SLC25A1: variants seen among roughly 807,000 people sequenced by gnomAD.
SLC25A1 encodes tricarboxylate transport protein, mitochondrial.
SLC25A1 carries 26 observed loss-of-function variants against 38.1 expected under a neutral mutation model. The ratio of observed to expected loss-of-function variants is 0.68; its 90% CI spans 0.50 to 0.95. The LOEUF is 0.95. SLC25A1 is among the 40% of genes least tolerant of loss of function. The pLI, the probability that SLC25A1 is intolerant of heterozygous loss-of-function variation, is 0.00. For missense variants in SLC25A1, 378 were observed against 426.6 expected (o/e 0.89, Z 1.00); for synonymous variants, 211 against 183.2 (o/e 1.15, Z -1.23).
In SLC25A1 at chr22:19,178,421, C is replaced by T; in HGVS notation, c.94+159G>A. 1 of 1,377,934 alleles carries T rather than the reference C, an allele frequency of 7.3e-7. No homozygotes were observed. The highest frequency in any genetic ancestry group is 9.3e-7 in the Non-Finnish European group (1 of 1,071,800). The allele number at this position is 1,377,934 out of a possible 1,614,324, so 85.4% of individuals were successfully genotyped here. A position where few individuals can be genotyped will look rare whatever the true frequency, so the allele number is the denominator to read the frequency against. ...CCGGCGAGGCGCAGGGGGTGACAGA[C>T]GGGAGGCGGGCGAGTCCCAGCGCGC... On this transcript the variant is annotated intron_variant, in intron 1 of 8. Transcript: ENST00000215882. The surrounding 1 kb of genome is among the most constrained non-coding windows in gnomAD (Gnocchi z 4.9).
rs144180074 is a variant in SLC25A1 at position 19,176,172 on chromosome 22, A to G, written c.894T>C (p.Asp298=). Residue 298 remains aspartate (D), a synonymous_variant, in exon 9 of 9, where the codon GAT becomes GAC. Coordinates refer to ENST00000215882, the MANE Select transcript of SLC25A1 (RefSeq NM_005984.5). ...LDVAIVFVIY[D]EVVKLLNKVW... ...CTTTGTTGAGCAGCTTCACCACTTC[A>G]TCATAGATGACAAACACTATGGCCA... 6,305 of 1,613,856 alleles carry G rather than the reference A, an allele frequency of 3.9e-3. 23 individuals carry two copies. The highest frequency in any genetic ancestry group is 9.7e-3 in the Middle Eastern group (59 of 6,058).
chr22:19,177,161 C>T lies in SLC25A1; in HGVS notation c.485G>A (p.Arg162Lys), dbSNP rs1555922633. The change falls in exon 5 of 9, where the codon AGA becomes AAA. Residue 162 changes from arginine to lysine, a missense_variant. Transcript: ENST00000215882. The part of the protein sequence containing the change: ...HDQTSPNPKY[R>K]GFFHGVREIV... The stretch of plus-strand genomic sequence containing the variant: ...CTCCCTAACCCCGTGGAAGAATCCT[C>T]TGTACTTGGGGTTTGGGGAGGTCTG... 1 of 1,614,008 alleles carries T rather than the reference C, an allele frequency of 6.2e-7. No individual in the cohort carries two copies.
Position 19,176,851 on chromosome 22 carries a change from T to C in SLC25A1, c.626A>G (p.Tyr209Cys), listed in dbSNP as rs2083968780. ...GCCCTGTGATGCAGACACACCTCGG[T>C]ACCAGTTGCGCAGGGAGGTCATGAC... ...FFVMTSLRNW[Y>C]RGDNPNKPMN... Residue 209 changes from tyrosine to cysteine, a missense_variant, in exon 6 of 9, where the codon TAC (tyrosine) becomes TGC (cysteine). By Grantham distance (194) the Tyr-to-Cys change is radical (BLOSUM62 -2). Transcript: ENST00000215882. The C allele has an allele frequency of 1.2e-6, 2 of 1,613,712 alleles. No homozygotes were observed. Among genetic ancestry groups the C allele is most frequent in the Non-Finnish European group, 1.7e-6 (2 of 1,179,930 alleles).
In SLC25A1 at chr22:19,177,762, C is replaced by T; in HGVS notation, c.406G>A (p.Ala136Thr). Residue 136 changes from alanine to threonine, a missense_variant, in exon 4 of 9, where the codon GCC becomes ACC. Physicochemically the swap from Ala to Thr is moderately conservative, Grantham distance 58 (BLOSUM62 0). Transcript: ENST00000215882. ...LCGLGAGVAE[A>T]VVVVCPMETI... ...TCCATGGGGCACACGACCACCACGG[C>T]CTCGGCCACGCCAGCGCCCAGGCCG... 6.2e-7 allele frequency: 1 copy of T among 1,609,612 alleles called. No homozygotes were observed. Among genetic ancestry groups the T allele is most frequent in the Non-Finnish European group, 8.5e-7 (1 of 1,179,586 alleles).
chr22:19,176,659 G>A lies in SLC25A1; in HGVS notation c.666C>T (p.Ile222=). The A allele has an allele frequency of 6.2e-7, 1 of 1,613,978 alleles. No homozygotes were observed. The highest frequency in any genetic ancestry group is 8.5e-7 in the Non-Finnish European group (1 of 1,179,982). Residue 222 remains isoleucine, a synonymous_variant, in exon 7 of 9, where the codon ATC becomes ATT. Coordinates refer to ENST00000215882, the MANE Select transcript of SLC25A1 (RefSeq NM_005984.5). ...CTGCAATAGCTCCGAAGACCCCAGTGATCAGAGGGTTCATGGGCTTGTTGG... is the reference window on the plus strand; with the variant it reads ...CTGCAATAGCTCCGAAGACCCCAGTAATCAGAGGGTTCATGGGCTTGTTGG... ...DNPNKPMNPL[I]TGVFGAIAGA... is the part of the protein sequence containing the mutation.
rs1173206471 is a variant in SLC25A1 at position 19,177,057 on chromosome 22, G to A, written c.526+63C>T. 4 of 1,582,986 alleles carry A rather than the reference G, an allele frequency of 2.5e-6. No individual in the cohort carries two copies. The African/African-American group carries it at 5.4e-5, about 21-fold the overall frequency. ...CACAAAGCCCAAGGCAGGATGGGAG[G>A]TGCAGGCCCTTCCCACCCTGGCCCA... is the stretch of plus-strand genomic sequence containing the variant. On this transcript the variant is annotated intron_variant, in intron 5 of 8. Transcript: ENST00000215882.
Position 19,175,647 on chromosome 22 carries a change from C to T in SLC25A1, c.*483G>A, listed in dbSNP as rs1056093555. 11 of 214,752 alleles carry T rather than the reference C, an allele frequency of 5.1e-5. No homozygotes were observed. Among genetic ancestry groups the T allele is most frequent in the African/African-American group, 9.3e-5 (4 of 43,086 alleles). The allele number at this position is 214,752 out of a possible 1,614,324, so 13.3% of individuals were successfully genotyped here. On this transcript the variant is annotated 3_prime_UTR_variant, in exon 9 of 9. Coordinates refer to ENST00000215882, the MANE Select transcript of SLC25A1 (RefSeq NM_005984.5). ...TGAGAGTGGTGGGTGCCACCCTGTCCGGGGCGGAGAGAGGGCCCGAGGGCC... is the reference window on the plus strand; with the variant it reads ...TGAGAGTGGTGGGTGCCACCCTGTCTGGGGCGGAGAGAGGGCCCGAGGGCC...
rs1555922366 is a variant in SLC25A1, at chr22:19,176,564, C to A, written c.747+14G>T. 1.2e-6 allele frequency: 2 copies of A among 1,610,812 alleles called. No individual in the cohort carries two copies. Among genetic ancestry groups the A allele is most frequent in the Admixed American group, 3.3e-5 (2 of 60,026 alleles). Reference sequence around the variant, plus strand: ...CCTGGTCCCCCCTTCCCCTCCCCTTCCCGGCCCCACCACCTGCATCCGGGT... The same window carrying A: ...CCTGGTCCCCCCTTCCCCTCCCCTTACCGGCCCCACCACCTGCATCCGGGT... On this transcript the variant is annotated intron_variant, in intron 7 of 8. Coordinates refer to ENST00000215882, the MANE Select transcript of SLC25A1 (RefSeq NM_005984.5).
chr22:19,176,761 TGGGTGCCCGCCACCCAG>T, intron 6 of SLC25A1, 68 bp from the exon 7 acceptor site: 1 of 1,592,166 alleles, frequency 6.3e-7, no homozygotes, highest in East Asian at 2.2e-5. Flanking sequence ...CTTCAAAAGG[TGGGTGCCCGCCACCCAG>T]GGGTGGCCCC....
Position 19,176,428 on chromosome 22 carries a change from G to T in SLC25A1, c.814C>A (p.Leu272Ile), listed in dbSNP as rs201774285. The T allele has an allele frequency of 1.0e-4, 162 of 1,613,592 alleles. No homozygotes were observed. The East Asian group carries it at 3.6e-3, about 36-fold the overall frequency. The part of the protein sequence containing the change: ...CGLQILKKEG[L>I]KAFYKGTVPR... ...TGCCCCTCCCCCACTCACGCCTTGA[G>T]CCCCTCCTTCTTCAGGATCTGCAAG... Residue 272 changes from leucine (L) to isoleucine (I), a missense_variant, in exon 8 of 9, where the codon CTC becomes ATC. Physicochemically the swap from Leu to Ile is conservative, Grantham distance 5. Coordinates refer to ENST00000215882, the MANE Select transcript of SLC25A1 (RefSeq NM_005984.5).
rs782032507 is a variant in SLC25A1, at chr22:19,176,098, C to G, written c.*32G>C. On this transcript the variant is annotated 3_prime_UTR_variant, in exon 9 of 9. Transcript: ENST00000215882. ...AAGGTAGCAGGACACTCTGGCGGTG[C>G]CTGGGGCGGTCCCCTTGCGGCCTCT... 6.4e-7 allele frequency: 1 copy of G among 1,565,500 alleles called. No homozygotes were observed. Among genetic ancestry groups the G allele is most frequent in the Admixed American group, 1.7e-5 (1 of 59,968 alleles).
Position 19,176,427 on chromosome 22 carries a change from A to G in SLC25A1, c.815T>C (p.Leu272Pro), listed in dbSNP as rs1555922284. 1.2e-6 allele frequency: 2 copies of G among 1,613,528 alleles called. No individual in the cohort carries two copies. Among genetic ancestry groups the G allele is most frequent in the Non-Finnish European group, 1.7e-6 (2 of 1,179,922 alleles). Residue 272 changes from leucine to proline, a missense_variant, in exon 8 of 9, where the codon CTC becomes CCC. Coordinates refer to ENST00000215882, the MANE Select transcript of SLC25A1 (RefSeq NM_005984.5). ...CTGCCCCTCCCCCACTCACGCCTTG[A>G]GCCCCTCCTTCTTCAGGATCTGCAA... Reference protein sequence around the residue: ...CGLQILKKEGLKAFYKGTVPR... With the variant: ...CGLQILKKEGPKAFYKGTVPR...
Position 19,178,355 on chromosome 22 carries a change from T to G in SLC25A1, c.95-115A>C. 1 of 1,485,458 alleles carries G rather than the reference T, an allele frequency of 6.7e-7. No homozygotes were observed. The highest frequency in any genetic ancestry group is 8.9e-7 in the Non-Finnish European group (1 of 1,120,058). 92.0% of individuals were successfully genotyped at this position (1,485,458 alleles called of 1,614,324 possible). ...CGCCGCGCCAGTGCCGCGGGGAACATAGGCTGGGGCCCCACGCCCCCATGC... is the reference window on the plus strand; with the variant it reads ...CGCCGCGCCAGTGCCGCGGGGAACAGAGGCTGGGGCCCCACGCCCCCATGC... On this transcript the variant is annotated intron_variant, in intron 1 of 8. Coordinates refer to ENST00000215882, the MANE Select transcript of SLC25A1 (RefSeq NM_005984.5). The surrounding 1 kb of genome is among the most constrained non-coding windows in gnomAD (Gnocchi z 4.9).
Position 19,177,740 on chromosome 22 carries a change from ATGGGGCACACGACCACCACGGCCTCGGC to A in SLC25A1, c.400_427del (p.Ala134TrpfsTer6). 1 of 1,608,248 alleles carries A rather than the reference ATGGGGCACACGACCACCACGGCCTCGGC, an allele frequency of 6.2e-7. No individual in the cohort carries two copies. Among genetic ancestry groups the A allele is most frequent in the Non-Finnish European group, 8.5e-7 (1 of 1,179,498 alleles). On this transcript the variant is annotated frameshift_variant, in exon 4 of 9. Transcript: ENST00000215882. LOFTEE classifies it high-confidence loss of function. ...GACCTTCCCCACCTTGATGGTCTCC[ATGGGGCACACGACCACCACGGCCTCGGC>A]CACGCCAGCGCCCAGGCCGCACAGC...
In SLC25A1 at chr22:19,177,996, A is replaced by T; in HGVS notation, c.248T>A (p.Leu83Gln). The T allele has an allele frequency of 6.2e-7, 1 of 1,604,010 alleles. No individual in the cohort carries two copies. Among genetic ancestry groups the T allele is most frequent in the Non-Finnish European group, 8.5e-7 (1 of 1,177,100 alleles). ...QTVRSHGVLG[L>Q]YRGLSSLLYG... ...GAGCAGGGAGCTAAGGCCGCGGTAC[A>T]GGCCCAGGACGCCATGGCTGCGAAC... The change falls in exon 3 of 9, where the codon CTG becomes CAG. Residue 83 changes from leucine to glutamine, a missense_variant. Transcript: ENST00000215882.
In SLC25A1 at chr22:19,178,237, C is replaced by A; in HGVS notation, c.98G>T (p.Gly33Val). The A allele has an allele frequency of 6.5e-7, 1 of 1,547,226 alleles. No individual in the cohort carries two copies. Among genetic ancestry groups the A allele is most frequent in the Non-Finnish European group, 8.7e-7 (1 of 1,145,974 alleles). ...GCAGATCTCGATGCCACCCGCCAGG[C>A]CGCCTGCAGGGACCGGGAACCCGCT... Reference protein sequence around the residue: ...THPGKAILAGGLAGGIEICIT... With the variant: ...THPGKAILAGVLAGGIEICIT... The change falls in exon 2 of 9, where the codon GGC becomes GTC. Residue 33 changes from glycine (G) to valine (V), a missense_variant. Coordinates refer to ENST00000215882, the MANE Select transcript of SLC25A1 (RefSeq NM_005984.5). This position sits in a 1 kb window ranked among gnomAD's most constrained non-coding sequence, Gnocchi z 4.9.
chr22:19,176,590 C>G lies in SLC25A1; in HGVS notation c.735G>C (p.Lys245Asn). 3 of 1,613,586 alleles carry G rather than the reference C, an allele frequency of 1.9e-6. No individual in the cohort carries two copies. The highest frequency in any genetic ancestry group is 2.5e-6 in the Non-Finnish European group (3 of 1,179,712). The change falls in exon 7 of 9, where the codon AAG becomes AAC. Residue 245 changes from lysine (K) to asparagine (N), a missense_variant. Coordinates refer to ENST00000215882, the MANE Select transcript of SLC25A1 (RefSeq NM_005984.5). ...VFGNTPLDVI[K>N]TRMQGLEAHK... ...CCGGCCCCACCACCTGCATCCGGGT[C>G]TTAATCACATCCAGAGGAGTGTTTC...
rs1410002227 is a variant in SLC25A1, at chr22:19,178,294, G to A, written c.95-54C>T. 1.5e-5 allele frequency: 23 copies of A among 1,537,576 alleles called. No individual in the cohort carries two copies. The highest frequency in any genetic ancestry group is 1.8e-5 in the Non-Finnish European group (21 of 1,141,712). On this transcript the variant is annotated intron_variant, in intron 1 of 8. Transcript: ENST00000215882. The surrounding 1 kb of genome is among the most constrained non-coding windows in gnomAD (Gnocchi z 4.9). ...ACTCCCGCCCGGCCGCTGGCGCTCG[G>A]GCCCCTCCCCCGTCCCGGACTTCGG...
At position 19,176,946 on chromosome 22, in the gene SLC25A1, C is replaced by G. The variant is rs782423784; in HGVS notation, c.531G>C (p.Leu177=). ...CTGTGAGGCCCTGGTACGTCCCCTT[C>G]AGCCCTGCGGGAAGGCAGGCACGGG... ...GVREIVREQG[L]KGTYQGLTAT... The change falls in exon 6 of 9, where the codon CTG becomes CTC. Residue 177 remains leucine, a synonymous_variant. Transcript: ENST00000215882. The G allele has an allele frequency of 2.5e-6, 4 of 1,613,572 alleles. No homozygotes were observed. Among genetic ancestry groups the G allele is most frequent in the Non-Finnish European group, 3.4e-6 (4 of 1,180,002 alleles).
Sources: gnomAD v4.1 joint callset for allele counts on GRCh38, gnomAD v4.1.1 for gene constraint, Gnocchi (gnomAD v3.1) non-coding constraint, MANE v1.5 for transcripts, NCBI Gene and HGNC (gene_info 2026-07-23, HGNC 2026-07-21) for gene names.